EHBP1: variants seen among roughly 807,000 people sequenced by gnomAD.
The protein encoded by EHBP1 is EH domain binding protein 1, also known as EH domain-binding protein 1.
Under a neutral mutation model 144.0 loss-of-function variants are expected in EHBP1, and 55 were observed. The observed-to-expected ratio is 0.38, with a 90% CI of 0.31 to 0.48. The LOEUF (loss-of-function observed/expected upper bound fraction) is 0.48, where lower values mean the gene tolerates loss of function less well. EHBP1 is among the 20% of genes least tolerant of loss of function. The pLI, the probability that EHBP1 is intolerant of heterozygous loss-of-function variation, is 0.98. For synonymous variants in EHBP1, 469 were observed against 472.7 expected (o/e 0.99, Z 0.10); for missense variants, 1,200 against 1,364.2 (o/e 0.88, Z 1.90).
intron 8 of EHBP1, among the ~76,000 whole-genome samples, chr2:62,863,411 C>T (rs758417279): frequency 6.6e-6 from 1 of 152,052 alleles, no homozygotes; most frequent in Non-Finnish European, 1.5e-5. Context: ...CGCTGCACTA[C>T]AGCCTGGGCA....
At chr2:62,888,456 G>T (rs1271417891) in intron 10 of EHBP1, among the ~76,000 whole-genome samples, 1 of 152,200 alleles carries the variant, frequency 6.6e-6, no homozygotes, top group African/African-American at 2.4e-5. Context: ...TAGAAAGTTT[G>T]CTCATTTATA....
chr2:62,755,759 ACC>A (rs2040219307), intron 3 of EHBP1, among the ~76,000 whole-genome samples: 3 of 152,236 alleles, frequency 2.0e-5, no homozygotes, highest in African/African-American at 7.2e-5. Flanking sequence ...TGTGGGAAGG[ACC>A]AATATAAGTT....
intron 14 of EHBP1, among the ~76,000 whole-genome samples, chr2:62,978,228 G>A (rs1357292068): frequency 6.8e-6 from 1 of 147,600 alleles, no homozygotes; most frequent in Non-Finnish European, 1.5e-5. Flanking sequence ...GTGAGACAGA[G>A]TGTTGCTCTG....
At chr2:62,969,757 G>A (rs1295153261) in intron 14 of EHBP1, among the ~76,000 whole-genome samples, 1 of 152,136 alleles carries the variant, frequency 6.6e-6, no homozygotes, top group Non-Finnish European at 1.5e-5. Context: ...AAGAAAGGCT[G>A]ATTTTTTTCT....
At position 62,837,818 on chromosome 2, in the gene EHBP1, G is replaced by A. The variant is rs1184886332; in HGVS notation, c.634+6660G>A. ...TCCTAAATATATATGCACCCAATAC[G>A]GGAGCACCCAGATTCATAAAGCAAG... On this transcript the variant is annotated intron_variant, in intron 7 of 22. Coordinates refer to ENST00000431489, the MANE Select transcript of EHBP1 (RefSeq NM_001142616.3). Among the ~76,000 whole-genome samples the A allele has an allele frequency of 5.0e-3, 765 of 151,652 alleles. 7 individuals are homozygous for A. The highest frequency in any genetic ancestry group is 0.017 in the African/African-American group (689 of 41,092).
chr2:62,916,788 C>A (rs1377206699), intron 10 of EHBP1, among the ~76,000 whole-genome samples: 2 of 148,316 alleles, frequency 1.3e-5, no homozygotes, highest in African/African-American at 2.5e-5. Flanking sequence ...TATATATTAT[C>A]TTTTATATAT....
intron 13 of EHBP1, among the ~76,000 whole-genome samples, chr2:62,953,461 A>T (rs2057514355): frequency 6.6e-6 from 1 of 151,960 alleles, no homozygotes; most frequent in Admixed American, 6.6e-5. Flanking sequence ...AGGTAAGAGG[A>T]TCGCTTGGGC....
At chr2:62,701,512 C>T (rs1048380623), upstream of EHBP1, among the ~76,000 whole-genome samples, 5 of 152,038 alleles carry the variant, frequency 3.3e-5, no homozygotes, top group African/African-American at 4.8e-5. Flanking sequence ...TTTTGAAACT[C>T]AAAAACCAAT....
At chr2:62,980,943 C>T (rs1012579386) in intron 15 of EHBP1, among the ~76,000 whole-genome samples, 2 of 149,500 alleles carry the variant, frequency 1.3e-5, no homozygotes, top group African/African-American at 4.9e-5. Flanking sequence ...TGGTGGCACA[C>T]ACCTGCAGTC....
intron 5 of EHBP1, among the ~76,000 whole-genome samples, chr2:62,824,915 G>C (rs1217653215): frequency 6.6e-6 from 1 of 151,798 alleles, no homozygotes; most frequent in African/African-American, 2.4e-5. Flanking sequence ...AGGTATTAAT[G>C]GTAGTTTTTC....
intron 10 of EHBP1, among the ~76,000 whole-genome samples, chr2:62,892,743 C>T (rs2052567519): frequency 6.6e-6 from 1 of 151,994 alleles, no homozygotes; most frequent in Admixed American, 6.6e-5. Context: ...TGCTCCCTCC[C>T]ACCCTCAATA....
chr2:62,732,521 C>T (rs917364712), intron 2 of EHBP1, among the ~76,000 whole-genome samples: 1 of 152,100 alleles, frequency 6.6e-6, no homozygotes, highest in Non-Finnish European at 1.5e-5. Flanking sequence ...GTGCTGTTCT[C>T]GTGATAAGAG....
chr2:62,889,825 A>C, intron 10 of EHBP1, among the ~76,000 whole-genome samples: 1 of 152,016 alleles, frequency 6.6e-6, no homozygotes, highest in South Asian at 2.1e-4. Context: ...TTTTTGTACC[A>C]GTACCATGCT....
chr2:62,689,445 C>A (rs921223547), intron 1 of EHBP1, among the ~76,000 whole-genome samples: 4 of 152,140 alleles, frequency 2.6e-5, no homozygotes, highest in Non-Finnish European at 5.9e-5. Context: ...GAGTTCAAGA[C>A]CTGCCTGGGC....
intron 5 of EHBP1, among the ~76,000 whole-genome samples, chr2:62,804,010 A>T (rs555192102): frequency 6.6e-6 from 1 of 152,332 alleles, no homozygotes. Flanking sequence ...ATATTACAGT[A>T]AAAGACTTAG....
intron 1 of EHBP1, among the ~76,000 whole-genome samples, chr2:62,696,381 G>C (rs1016316611): frequency 2.0e-5 from 3 of 151,500 alleles, no homozygotes; most frequent in African/African-American, 7.3e-5. Flanking sequence ...GTGTTGGCCA[G>C]GCTGGTCTAC....
chr2:62,853,838 A>T (rs553108761), intron 7 of EHBP1, among the ~76,000 whole-genome samples: 1 of 152,354 alleles, frequency 6.6e-6, no homozygotes, highest in East Asian at 1.9e-4. Flanking sequence ...CAGTGATGTT[A>T]CTTTTTTAGG....
chr2:62,693,446 G>T (rs1338529328), intron 1 of EHBP1, among the ~76,000 whole-genome samples: 1 of 151,950 alleles, frequency 6.6e-6, no homozygotes, highest in Non-Finnish European at 1.5e-5. Flanking sequence ...TCAGATATAT[G>T]GTTTGCATAT....
At chr2:62,992,386 A>C (rs952785800) in intron 16 of EHBP1, among the ~76,000 whole-genome samples, 5 of 152,174 alleles carry the variant, frequency 3.3e-5, no homozygotes, top group Admixed American at 6.6e-5. Flanking sequence ...TGTTATTTTC[A>C]TTATTATGGT....
Sources: gnomAD v4.1 joint callset for allele counts (sites outside exome capture counted in the v4.1 genomes callset) on GRCh38, gnomAD v4.1.1 for gene constraint, MANE v1.5 for transcripts, NCBI Gene and HGNC (gene_info 2026-07-23, HGNC 2026-07-21) for gene names.